Variants in TRAK1 observed in about 807,000 individuals in gnomAD.
TRAK1 encodes trafficking kinesin-binding protein 1.
Under a neutral mutation model 92.1 loss-of-function variants are expected in TRAK1, and 33 were observed. The observed-to-expected ratio is 0.36, with a 90% CI of 0.27 to 0.48. The LOEUF (loss-of-function observed/expected upper bound fraction) is 0.48, where lower values mean the gene tolerates loss of function less well. Among genes scored for constraint, TRAK1 ranks in the 20% least tolerant of loss-of-function variants. The probability of loss-of-function intolerance (pLI) is 0.99; values close to 1 mark genes in which losing one functional copy is unlikely to be tolerated. For missense variants in TRAK1, 1,123 were observed against 1,257.9 expected, an observed-to-expected ratio of 0.89 and a Z score of 1.62; for synonymous variants, 521 against 517.3, an observed-to-expected ratio of 1.01 and a Z score of -0.10.
At position 42,171,367 on chromosome 3, in the gene TRAK1, A is replaced by C. The variant is rs577219398; in HGVS notation, c.287-5447A>C. 1.6e-4 allele frequency among the ~76,000 whole-genome samples: 24 copies of C among 152,282 alleles called. No individual in the cohort carries two copies. The South Asian group carries it at 5.0e-3, about 32-fold the overall frequency. On this transcript the variant is annotated intron_variant, in intron 2 of 15. Coordinates refer to ENST00000327628, the MANE Select transcript of TRAK1 (RefSeq NM_001042646.3). ...TTTTCCTCCAAAATACATGAATGGG[A>C]AGTGAGGTTTTCTAACTATATTTTC...
intron 1 of TRAK1, among the ~76,000 whole-genome samples, chr3:42,061,513 A>G (rs1401504790): frequency 6.6e-6 from 1 of 152,070 alleles, no homozygotes; most frequent in African/African-American, 2.4e-5. Flanking sequence ...AGCAGGAGAT[A>G]CGGGGAAAAC....
intron 3 of TRAK1, among the ~76,000 whole-genome samples, chr3:42,182,831 A>G (rs944193750): frequency 2.0e-5 from 3 of 152,250 alleles, no homozygotes; most frequent in African/African-American, 7.2e-5. Context: ...GTGGCTATCC[A>G]AGACGTTAGA....
chr3:42,028,475 T>C (rs867715132), intron 1 of TRAK1, among the ~76,000 whole-genome samples: 13 of 152,168 alleles, frequency 8.5e-5, no homozygotes, highest in Middle Eastern at 3.4e-3. Flanking sequence ...AGAGACCCAA[T>C]GTAGTAATAG....
intron 1 of TRAK1, among the ~76,000 whole-genome samples, chr3:42,095,459 T>C (rs921930672): frequency 6.6e-6 from 1 of 152,190 alleles, no homozygotes; most frequent in Non-Finnish European, 1.5e-5. Flanking sequence ...ATGCACGTGG[T>C]AAAACTTGAA....
At chr3:42,150,885 G>A (rs1397817488) in intron 2 of TRAK1, among the ~76,000 whole-genome samples, 1 of 152,162 alleles carries the variant, frequency 6.6e-6, no homozygotes, top group Non-Finnish European at 1.5e-5. Context: ...GGGAAAAGAT[G>A]AGTGAATTTT....
chr3:42,218,647 C>A, intron 14 of TRAK1: 1 of 985,346 alleles, frequency 1.0e-6, no homozygotes, highest in Non-Finnish European at 1.2e-6. Context: ...CCTAACACTT[C>A]CATGATTTAA....
chr3:42,132,851 A>G (rs2149177151), intron 2 of TRAK1, among the ~76,000 whole-genome samples: 1 of 152,274 alleles, frequency 6.6e-6, no homozygotes, highest in East Asian at 1.9e-4. Context: ...ATGTACCCAC[A>G]TACTGAGATT....
chr3:42,084,758 A>G (rs1178070783), upstream of TRAK1, among the ~76,000 whole-genome samples: 2 of 149,020 alleles, frequency 1.3e-5, no homozygotes, highest in African/African-American at 4.9e-5. Context: ...TTATCCATTC[A>G]TCTGTATTTG....
At position 42,219,792 on chromosome 3, in the gene TRAK1, T is replaced by G. The variant is rs1389908964; in HGVS notation, c.2066+196T>G. 6.4e-4 allele frequency among the ~76,000 whole-genome samples: 88 copies of G among 137,434 alleles called. 1 individual carries two copies. The highest frequency in any genetic ancestry group is 7.0e-3 in the Middle Eastern group (2 of 286). 90.2% of individuals were successfully genotyped at this position (137,434 alleles called of 152,430 possible). Reference sequence around the variant, plus strand: ...CCTTTTGTTGTTGTTATGTGTTTTTTTTTTTTTTTTTTTTTTTTTTTGAGG... The same window carrying G: ...CCTTTTGTTGTTGTTATGTGTTTTTGTTTTTTTTTTTTTTTTTTTTTGAGG... On this transcript the variant is annotated intron_variant, in intron 15 of 15. Coordinates refer to ENST00000327628, the MANE Select transcript of TRAK1 (RefSeq NM_001042646.3).
rs73828518 is a variant in TRAK1 at position 42,052,548 on chromosome 3, G to C, written c.-518-34556G>C. ...CTTATGCTATTGTTGAGCAGATTCA[G>C]CCTCTGATTTAGGAAAGTAGCCAAT... On this transcript the variant is annotated intron_variant, in intron 1 of 16. Transcript: ENST00000487159. Among the ~76,000 whole-genome samples the C allele has an allele frequency of 5.8e-3, 888 of 152,242 alleles. 9 individuals carry two copies. The highest frequency in any genetic ancestry group is 0.02 in the African/African-American group (846 of 41,538).
chr3:42,032,383 G>A (rs1239330059), intron 1 of TRAK1, among the ~76,000 whole-genome samples: 1 of 151,682 alleles, frequency 6.6e-6, no homozygotes, highest in Non-Finnish European at 1.5e-5. Flanking sequence ...CAGCGAGGCT[G>A]CCCATTGTCC....
chr3:42,154,682 C>T (rs1159099397), intron 2 of TRAK1, among the ~76,000 whole-genome samples: 1 of 152,050 alleles, frequency 6.6e-6, no homozygotes, highest in Non-Finnish European at 1.5e-5. Flanking sequence ...CCTCCTGTCT[C>T]AGCCTCTCAA....
intron 1 of TRAK1, among the ~76,000 whole-genome samples, chr3:42,109,272 A>G (rs965033354): frequency 6.6e-6 from 1 of 152,212 alleles, no homozygotes; most frequent in Non-Finnish European, 1.5e-5. Context: ...TGTTATCATT[A>G]TAAGAAAGTG....
chr3:42,099,592 C>G (rs1706443358), intron 1 of TRAK1, among the ~76,000 whole-genome samples: 1 of 152,190 alleles, frequency 6.6e-6, no homozygotes, highest in Non-Finnish European at 1.5e-5. Context: ...TCCTTCAAAC[C>G]CCAGCCACGC....
At chr3:42,178,686 C>T (rs908394630) in intron 3 of TRAK1, among the ~76,000 whole-genome samples, 1 of 152,072 alleles carries the variant, frequency 6.6e-6, no homozygotes, top group African/African-American at 2.4e-5. Flanking sequence ...CTCAAACAGT[C>T]CTCCTGGCCT....
chr3:42,061,964 A>G (rs1245239321), intron 1 of TRAK1, among the ~76,000 whole-genome samples: 2 of 152,204 alleles, frequency 1.3e-5, no homozygotes, highest in Non-Finnish European at 2.9e-5. Context: ...TGCTGACGCC[A>G]TCCCTCCAGA....
At chr3:42,026,524 CTTTTTT>C (rs779064338) in intron 1 of TRAK1, among the ~76,000 whole-genome samples, 2 of 135,068 alleles carry the variant, frequency 1.5e-5, no homozygotes, top group African/African-American at 2.7e-5. Flanking sequence ...TCAGTGATCT[CTTTTTT>C]TTTTTTTTTT....
chr3:42,117,566 G>C (rs1005948556), intron 1 of TRAK1, among the ~76,000 whole-genome samples: 1 of 152,110 alleles, frequency 6.6e-6, no homozygotes, highest in African/African-American at 2.4e-5. Flanking sequence ...TGAGTGTCTA[G>C]GGCTACTTTC....
intron 13 of TRAK1, among the ~76,000 whole-genome samples, chr3:42,205,557 A>G (rs962682422): frequency 1.3e-5 from 2 of 152,238 alleles, no homozygotes; most frequent in African/African-American, 4.8e-5. Flanking sequence ...AACTAGAAAG[A>G]TATCTGTGTT....
Sources: allele counts gnomAD v4.1 joint callset (sites outside exome capture counted in the v4.1 genomes callset), GRCh38; gene constraint gnomAD v4.1.1; transcripts MANE v1.5; gene names NCBI Gene and HGNC (gene_info 2026-07-23, HGNC 2026-07-21).